DNAAF4: variants seen among roughly 807,000 people sequenced by gnomAD.
The protein encoded by DNAAF4 is dynein axonemal assembly factor 4.
Under a neutral mutation model 51.8 loss-of-function variants are expected in DNAAF4, and 43 were observed. The ratio of observed to expected loss-of-function variants is 0.83; its 90% CI spans 0.65 to 1.07. DNAAF4 has a LOEUF of 1.07. Ranked by LOEUF, DNAAF4 falls within the 50% of genes least tolerant of loss-of-function variation. The pLI, the probability that DNAAF4 is intolerant of heterozygous loss-of-function variation, is 0.00. For missense variants in DNAAF4, 581 were observed against 493.0 expected, an observed-to-expected ratio of 1.18 and a Z score of -1.69; for synonymous variants, 194 against 165.6, an observed-to-expected ratio of 1.17 and a Z score of -1.32.
intron 4 of DNAAF4, among the ~76,000 whole-genome samples, chr15:55,480,163 A>G (rs780032117): frequency 1.3e-5 from 2 of 152,052 alleles, no homozygotes; most frequent in Non-Finnish European, 2.9e-5. Flanking sequence ...CTTAATAAAA[A>G]CTTGCTGGTT....
chr15:55,444,002 A>G (rs1401804253), intron 6 of DNAAF4, among the ~76,000 whole-genome samples: 3 of 151,818 alleles, frequency 2.0e-5, no homozygotes, highest in Non-Finnish European at 4.4e-5. Flanking sequence ...TTGCCTGTTC[A>G]CTCTGATGGT....
intron 4 of DNAAF4, among the ~76,000 whole-genome samples, chr15:55,475,061 T>C (rs2058318069): frequency 6.6e-6 from 1 of 152,162 alleles, no homozygotes; most frequent in African/African-American, 2.4e-5. Context: ...GTAAAGTATA[T>C]CCAAATAAAT....
At chr15:55,432,090 G>A (rs1238853171) in intron 9 of DNAAF4, among the ~76,000 whole-genome samples, 2 of 151,982 alleles carry the variant, frequency 1.3e-5, no homozygotes, top group African/African-American at 4.8e-5. Flanking sequence ...CAAGTAGCTG[G>A]GATTACAGGC....
intron 4 of DNAAF4, among the ~76,000 whole-genome samples, chr15:55,481,964 A>C (rs1463522044): frequency 6.6e-6 from 1 of 152,210 alleles, no homozygotes; most frequent in African/African-American, 2.4e-5. Context: ...GGAAGCCTCT[A>C]AACGGTACCC....
At chr15:55,497,974 AG>A in intron 2 of DNAAF4, 115 bp from the exon 3 acceptor site, 1 of 1,399,968 alleles carries the variant, frequency 7.1e-7, no homozygotes, top group Non-Finnish European at 9.6e-7. Flanking sequence ...AATTTATGCC[AG>A]GTAGTGAAAG....
At chr15:55,437,008 C>T (rs1479134751) in intron 7 of DNAAF4, among the ~76,000 whole-genome samples, 3 of 151,392 alleles carry the variant, frequency 2.0e-5, no homozygotes, top group Non-Finnish European at 2.9e-5. Flanking sequence ...TTAGTAAAGA[C>T]AGGGTTTCTC....
intron 5 of DNAAF4, among the ~76,000 whole-genome samples, chr15:55,465,387 T>TACAC (rs1491418655): frequency 9.4e-5 from 3 of 31,762 alleles, no homozygotes; most frequent in Admixed American, 4.6e-4. Context: ...AAATATGGTG[T>TACAC]ATATATACAC....
At chr15:55,433,869 T>A (rs1341777650) in intron 8 of DNAAF4, among the ~76,000 whole-genome samples, 2 of 51,730 alleles carry the variant, frequency 3.9e-5, no homozygotes, top group Admixed American at 6.8e-4. Context: ...ATATATATTA[T>A]ATATATTACA....
chr15:55,504,118 C>G (rs2058713945), intron 1 of DNAAF4, among the ~76,000 whole-genome samples: 1 of 152,122 alleles, frequency 6.6e-6, no homozygotes, highest in South Asian at 2.1e-4. Flanking sequence ...ACAAGCGTTC[C>G]TATACACCAT....
intron 2 of DNAAF4, 138 bp from the exon 3 acceptor site, chr15:55,497,997 A>C: frequency 1.5e-6 from 2 of 1,329,792 alleles, no homozygotes; most frequent in Admixed American, 2.7e-5. Context: ...TTAGCAAGGC[A>C]TATGAGGAAG....
chr15:55,458,455 C>A (rs2058050641), intron 5 of DNAAF4, among the ~76,000 whole-genome samples: 1 of 151,916 alleles, frequency 6.6e-6, no homozygotes, highest in African/African-American at 2.4e-5. Flanking sequence ...AGATCAAAGA[C>A]AAGGCTTTCA....
intron 6 of DNAAF4, among the ~76,000 whole-genome samples, chr15:55,444,431 GT>G (rs1269568801): frequency 2.0e-5 from 3 of 152,194 alleles, no homozygotes; most frequent in Non-Finnish European, 4.4e-5. Context: ...GTACCATGCT[GT>G]TTTGGTTACT....
chr15:55,477,701 T>G (rs1334239068), intron 4 of DNAAF4, among the ~76,000 whole-genome samples: 1 of 151,990 alleles, frequency 6.6e-6, no homozygotes, highest in Non-Finnish European at 1.5e-5. Flanking sequence ...TGTGCATGTT[T>G]TTTATCTATA....
Position 55,434,630 on chromosome 15 carries a change from C to T in DNAAF4, c.1047+275G>A, listed in dbSNP as rs539653487. Among the ~76,000 whole-genome samples, 7 of 152,050 alleles carry T rather than the reference C, an allele frequency of 4.6e-5. No homozygotes were observed. The South Asian group carries it at 6.2e-4, about 14-fold the overall frequency. On this transcript the variant is annotated intron_variant, in intron 8 of 9. Transcript: ENST00000321149. ...GGAGGATAGCTTGAGCCCAGGAGTT[C>T]GAGACCTGCCTGTGCAATATAGCGA...
intron 4 of DNAAF4, among the ~76,000 whole-genome samples, chr15:55,474,808 G>A (rs547964036): frequency 2.0e-5 from 3 of 152,102 alleles, no homozygotes; most frequent in African/African-American, 7.2e-5. Context: ...GTGAAACCTC[G>A]TCTCTACTAA....
At chr15:55,418,436 TG>T in intron 7 of DNAAF4, 1 of 1,524,328 alleles carries the variant, frequency 6.6e-7, no homozygotes, top group Non-Finnish European at 8.8e-7. Flanking sequence ...GTTTTTCCCC[TG>T]CAATTATACT....
chr15:55,418,308 T>C (rs1750433223), intron 7 of DNAAF4: 3 of 1,546,944 alleles, frequency 1.9e-6, no homozygotes, highest in Admixed American at 3.9e-5. Flanking sequence ...GGCAATCCTG[T>C]GTTTTCATGT....
In DNAAF4 at chr15:55,493,366, G is replaced by T. The variant is rs571900876; in HGVS notation, c.272-2110C>A. ...ATCAGTTAGAGGTAAGTAAAAGTGT[G>T]TAATTTTATTCATCTAAGATCTTGG... On this transcript the variant is annotated intron_variant, in intron 3 of 9. Transcript: ENST00000321149. 2.6e-5 allele frequency among the ~76,000 whole-genome samples: 4 copies of T among 152,312 alleles called. No homozygotes were observed. The East Asian group carries it at 7.7e-4, about 29-fold the overall frequency.
rs529188689 is a variant in DNAAF4, at chr15:55,488,586, T to G, written c.405+2537A>C. Among the ~76,000 whole-genome samples the G allele has an allele frequency of 3.3e-5, 5 of 152,290 alleles. No homozygotes were observed. The East Asian group carries it at 9.7e-4, about 29-fold the overall frequency. ...TTCAAATGTTTGAGCACCAATTTAC[T>G]TGATAATGGCTATAATAAGGATGAA... On this transcript the variant is annotated intron_variant, in intron 4 of 9. Coordinates refer to ENST00000321149, the MANE Select transcript of DNAAF4 (RefSeq NM_130810.4).
Sources: gnomAD v4.1 joint callset for allele counts (sites outside exome capture counted in the v4.1 genomes callset) on GRCh38, gnomAD v4.1.1 for gene constraint, MANE v1.5 for transcripts, NCBI Gene and HGNC (gene_info 2026-07-23, HGNC 2026-07-21) for gene names.